NSUN7: variants seen among roughly 807,000 people sequenced by gnomAD.
NSUN7 encodes NOP2/Sun RNA methyltransferase family member 7, also known as protein NSUN7.
In NSUN7, 39 loss-of-function variants were observed where a neutral mutation model predicts 58.5. That is an observed-to-expected ratio of 0.67 (90% CI 0.52 to 0.87). The LOEUF (loss-of-function observed/expected upper bound fraction) is 0.87. Ranked by LOEUF, NSUN7 falls within the 40% of genes least tolerant of loss-of-function variation. The pLI is 0.00. For synonymous variants in NSUN7, 278 were observed against 303.7 expected (o/e 0.92, Z 0.88); for missense variants, 765 against 844.1 (o/e 0.91, Z 1.16).
intron 4 of NSUN7, among the ~76,000 whole-genome samples, chr4:40,768,204 CTTTT>C (rs761378053): frequency 1.4e-5 from 2 of 138,768 alleles, no homozygotes; most frequent in Non-Finnish European, 3.1e-5. Context: ...CTTTTTTTTT[CTTTT>C]TTTTTTTTTT....
In NSUN7 at chr4:40,808,710, T is replaced by TC. The variant is rs1383731631; in HGVS notation, c.1928_1929insC (p.Met643IlefsTer61). The TC allele has an allele frequency of 6.4e-7, 1 of 1,551,336 alleles. No homozygotes were observed. The highest frequency in any genetic ancestry group is 2.0e-5 in the Admixed American group (1 of 50,876). ...TTAAGACCTCGGCCAGAAGACAGAA[T>TC]GGTTGCTCTGAAACCCATCAAGATT... is the stretch of plus-strand genomic sequence containing the variant. On this transcript the variant is annotated frameshift_variant, in exon 12 of 12. Transcript: ENST00000381782. LOFTEE classifies it low-confidence loss of function (END_TRUNC).
chr4:40,779,098 T>G (rs1560554813), intron 7 of NSUN7, among the ~76,000 whole-genome samples: 2 of 151,388 alleles, frequency 1.3e-5, no homozygotes, highest in African/African-American at 4.9e-5. Context: ...GAGGCCAAGT[T>G]AGGAAGAGGC....
intron 4 of NSUN7, among the ~76,000 whole-genome samples, chr4:40,763,999 A>G (rs1741584716): frequency 6.6e-6 from 1 of 152,192 alleles, no homozygotes; most frequent in South Asian, 2.1e-4. Flanking sequence ...CACATTGCTG[A>G]GAAAATACAT....
chr4:40,795,163 G>A (rs1392307070), intron 9 of NSUN7, among the ~76,000 whole-genome samples: 1 of 152,132 alleles, frequency 6.6e-6, no homozygotes, highest in Admixed American at 6.5e-5. Context: ...GACCTGCAAA[G>A]GCTTAAAGAT....
intron 10 of NSUN7, among the ~76,000 whole-genome samples, chr4:40,799,343 T>C (rs556439997): frequency 4.8e-4 from 73 of 152,114 alleles, no homozygotes; most frequent in African/African-American, 1.5e-3. Context: ...TGCCTTGGCC[T>C]CCCAAAGTGC....
At chr4:40,805,648 A>T (rs1032658351) in intron 10 of NSUN7, among the ~76,000 whole-genome samples, 1 of 152,126 alleles carries the variant, frequency 6.6e-6, no homozygotes, top group African/African-American at 2.4e-5. Flanking sequence ...TTGGTGGCTT[A>T]TGATAACAAA....
intron 4 of NSUN7, among the ~76,000 whole-genome samples, chr4:40,765,803 T>G (rs958671040): frequency 9.2e-5 from 14 of 152,172 alleles, no homozygotes; most frequent in African/African-American, 3.4e-4. Context: ...TCACATCCCT[T>G]GTAAGTTGGA....
In NSUN7 at chr4:40,800,343, C is replaced by CT. The variant is rs752170347; in HGVS notation, c.1400+1453dup. On this transcript the variant is annotated intron_variant, in intron 10 of 11. Coordinates refer to ENST00000381782, the MANE Select transcript of NSUN7 (RefSeq NM_024677.6). ...CATTTTTGCTCAAATAATCCTTAAA[C>CT]TTTTTTTTTTTTTTGAGTCAGAGTC... Among the ~76,000 whole-genome samples, 1,202 of 145,400 alleles carry CT rather than the reference C, an allele frequency of 8.3e-3. 5 individuals are homozygous for CT. Among genetic ancestry groups the CT allele is most frequent in the African/African-American group, 0.016 (656 of 39,990 alleles).
intron 4 of NSUN7, among the ~76,000 whole-genome samples, chr4:40,770,186 G>C (rs1741929819): frequency 8.5e-6 from 1 of 117,172 alleles, no homozygotes; most frequent in Non-Finnish European, 1.7e-5. Flanking sequence ...CTGCAGCCTA[G>C]ATAACAAGAG....
At chr4:40,806,044 G>T (rs1292273543) in intron 10 of NSUN7, among the ~76,000 whole-genome samples, 1 of 152,068 alleles carries the variant, frequency 6.6e-6, no homozygotes, top group Non-Finnish European at 1.5e-5. Flanking sequence ...CACTTTTGTT[G>T]CCCAGGCCGG....
At chr4:40,752,202 C>T (rs2154286228) in intron 2 of NSUN7, among the ~76,000 whole-genome samples, 1 of 152,214 alleles carries the variant, frequency 6.6e-6, no homozygotes, top group South Asian at 2.1e-4. Flanking sequence ...AAAGAGACAC[C>T]TCAAAAAGGG....
intron 7 of NSUN7, among the ~76,000 whole-genome samples, chr4:40,790,336 C>A (rs905094831): frequency 6.6e-6 from 1 of 152,102 alleles, no homozygotes; most frequent in African/African-American, 2.4e-5. Context: ...TATTTCTCCC[C>A]TACTATATAT....
At chr4:40,774,738 A>G in intron 5 of NSUN7, 29 bp from the exon 6 acceptor site, 1 of 1,341,856 alleles carries the variant, frequency 7.5e-7, no homozygotes, top group Non-Finnish European at 1.0e-6. Flanking sequence ...TTATATTTGT[A>G]ATTACAAGCT....
At chr4:40,764,024 C>A (rs1449597431) in intron 4 of NSUN7, among the ~76,000 whole-genome samples, 1 of 151,924 alleles carries the variant, frequency 6.6e-6, no homozygotes, top group Non-Finnish European at 1.5e-5. Context: ...AAAGATGCCA[C>A]AGTATTTTAC....
At chr4:40,772,984 A>G (rs1742083306) in intron 4 of NSUN7, 1 of 152,250 alleles carries the variant, frequency 6.6e-6, no homozygotes, top group African/African-American at 2.4e-5. Context: ...TATGAGATCA[A>G]GAAAAATCAT....
At chr4:40,800,403 G>A (rs1276429610) in intron 10 of NSUN7, among the ~76,000 whole-genome samples, 3 of 151,658 alleles carry the variant, frequency 2.0e-5, no homozygotes, top group Admixed American at 6.6e-5. Flanking sequence ...GCAGTAGCAC[G>A]ATCTCAGCTC....
At chr4:40,805,787 T>G (rs974503849) in intron 10 of NSUN7, among the ~76,000 whole-genome samples, 6 of 152,094 alleles carry the variant, frequency 3.9e-5, no homozygotes, top group Non-Finnish European at 7.4e-5. Context: ...CAGCTTGTGG[T>G]GGTTGCTGGC....
At chr4:40,751,586 A>G (rs1362239834) in intron 2 of NSUN7, among the ~76,000 whole-genome samples, 1 of 152,186 alleles carries the variant, frequency 6.6e-6, no homozygotes, top group East Asian at 1.9e-4. Context: ...AATTACACCA[A>G]CCCCAATTAA....
chr4:40,787,216 C>G (rs1742868385), intron 7 of NSUN7, among the ~76,000 whole-genome samples: 1 of 151,614 alleles, frequency 6.6e-6, no homozygotes, highest in Admixed American at 6.6e-5. Flanking sequence ...CCTAGGAAAA[C>G]CAGAGACCTT....
Sources: allele counts gnomAD v4.1 joint callset (sites outside exome capture counted in the v4.1 genomes callset), GRCh38; gene constraint gnomAD v4.1.1; transcripts MANE v1.5; gene names NCBI Gene and HGNC (gene_info 2026-07-23, HGNC 2026-07-21).